Variants in BTC observed in about 807,000 individuals in gnomAD.
The protein encoded by BTC is betacellulin, also known as probetacellulin.
A neutral mutation model predicts 18.1 loss-of-function variants in BTC; 13 were observed. That is an observed-to-expected ratio of 0.72 (90% CI 0.47 to 1.14). The LOEUF is 1.14. BTC is among the 50% of genes most tolerant of loss of function. The probability of loss-of-function intolerance (pLI) is 0.00; values close to 1 mark genes in which losing one functional copy is unlikely to be tolerated. For synonymous variants in BTC, 83 were observed against 79.4 expected (o/e 1.05, Z -0.24); for missense variants, 247 against 224.2 (o/e 1.10, Z -0.65).
chr4:74,767,055 G>A (rs938884992), intron 2 of BTC, among the ~76,000 whole-genome samples: 7 of 151,860 alleles, frequency 4.6e-5, no homozygotes, highest in African/African-American at 1.7e-4. Flanking sequence ...GCAACATAGC[G>A]CAGGAAGTCC....
At chr4:74,776,887 C>T (rs1725189249) in intron 1 of BTC, among the ~76,000 whole-genome samples, 1 of 152,122 alleles carries the variant, frequency 6.6e-6, no homozygotes, top group African/African-American at 2.4e-5. Flanking sequence ...AGATACACTC[C>T]AAACTTCTAC....
chr4:74,791,521 G>A (rs957679799), intron 1 of BTC, among the ~76,000 whole-genome samples: 13 of 152,004 alleles, frequency 8.6e-5, no homozygotes, highest in African/African-American at 2.7e-4. Context: ...AAAGAATATC[G>A]ATAACACATA....
At chr4:74,777,588 C>T (rs1394914423) in intron 1 of BTC, among the ~76,000 whole-genome samples, 3 of 151,984 alleles carry the variant, frequency 2.0e-5, no homozygotes. Flanking sequence ...TATATTTTGG[C>T]CTCTCTGCAT....
At chr4:74,793,490 C>T (rs1028929343) in intron 1 of BTC, among the ~76,000 whole-genome samples, 6 of 152,182 alleles carry the variant, frequency 3.9e-5, no homozygotes, top group Non-Finnish European at 8.8e-5. Context: ...TACAGCCCAG[C>T]TAAGATTAGA....
chr4:74,759,621 A>G (rs1401805984), intron 2 of BTC, among the ~76,000 whole-genome samples: 1 of 151,730 alleles, frequency 6.6e-6, no homozygotes, highest in African/African-American at 2.4e-5. Flanking sequence ...AAGTATAAAT[A>G]AAGTATAAAT....
intron 1 of BTC, among the ~76,000 whole-genome samples, chr4:74,771,202 G>C (rs542798791): frequency 6.6e-6 from 1 of 152,216 alleles, no homozygotes; most frequent in East Asian, 1.9e-4. Flanking sequence ...AGTCAAGGAA[G>C]AGAAAGATGG....
chr4:74,766,269 T>TA (rs1302062265), intron 2 of BTC, among the ~76,000 whole-genome samples: 3 of 152,050 alleles, frequency 2.0e-5, no homozygotes, highest in Non-Finnish European at 4.4e-5. Flanking sequence ...ATTTGTATTA[T>TA]AAAAAAATTC....
At chr4:74,786,102 C>T (rs533298000) in intron 1 of BTC, among the ~76,000 whole-genome samples, 9 of 152,172 alleles carry the variant, frequency 5.9e-5, no homozygotes, top group Non-Finnish European at 1.0e-4. Flanking sequence ...TACCTGAATA[C>T]GTAGTAACAT....
chr4:74,748,284 C>T (rs1724346761), intron 4 of BTC, 135 bp from the exon 5 acceptor site: 1 of 511,258 alleles, frequency 2.0e-6, no homozygotes, highest in Non-Finnish European at 3.3e-6. Flanking sequence ...CGCAGTGGCT[C>T]ACGCCTGTAA....
intron 1 of BTC, among the ~76,000 whole-genome samples, chr4:74,781,575 A>G (rs1334999193): frequency 6.6e-6 from 1 of 151,884 alleles, no homozygotes; most frequent in Non-Finnish European, 1.5e-5. Context: ...TCCATCTAAA[A>G]TCCACCCCCA....
intron 1 of BTC, among the ~76,000 whole-genome samples, chr4:74,770,711 G>C (rs192428195): frequency 2.6e-5 from 4 of 152,180 alleles, no homozygotes; most frequent in African/African-American, 9.6e-5. Context: ...ATGCCATGCT[G>C]TGGTTAGAAT....
chr4:74,786,037 G>A (rs1325415017), intron 1 of BTC, among the ~76,000 whole-genome samples: 1 of 152,150 alleles, frequency 6.6e-6, no homozygotes, highest in Non-Finnish European at 1.5e-5. Flanking sequence ...CAATTATAAA[G>A]CTTCCCCAAA....
At chr4:74,758,721 T>C (rs1264517913) in intron 2 of BTC, among the ~76,000 whole-genome samples, 1 of 152,176 alleles carries the variant, frequency 6.6e-6, no homozygotes, top group Admixed American at 6.5e-5. Context: ...CCTTCGTTCA[T>C]CCAAGCAGCA....
chr4:74,758,035 T>C (rs1470014050), intron 2 of BTC, among the ~76,000 whole-genome samples: 1 of 152,238 alleles, frequency 6.6e-6, no homozygotes, highest in African/African-American at 2.4e-5. Context: ...GTATGAAGAA[T>C]GCTGACCTAA....
chr4:74,767,012 C>G (rs1302358459), intron 2 of BTC, among the ~76,000 whole-genome samples: 1 of 151,988 alleles, frequency 6.6e-6, no homozygotes, highest in African/African-American at 2.4e-5. Flanking sequence ...AGATCAGGAG[C>G]AAGACAAGAA....
At chr4:74,756,687 C>T (rs1724609632) in intron 2 of BTC, among the ~76,000 whole-genome samples, 1 of 152,188 alleles carries the variant, frequency 6.6e-6, no homozygotes, top group Non-Finnish European at 1.5e-5. Context: ...ACAAGTCACA[C>T]CTGCCTCCGT....
intron 1 of BTC, among the ~76,000 whole-genome samples, chr4:74,773,182 A>G (rs1725089804): frequency 1.3e-5 from 2 of 152,202 alleles, no homozygotes; most frequent in African/African-American, 4.8e-5. Flanking sequence ...TAATAATTGA[A>G]TCAAAGCAGT....
At chr4:74,781,781 CA>C (rs1725338879) in intron 1 of BTC, among the ~76,000 whole-genome samples, 2 of 151,880 alleles carry the variant, frequency 1.3e-5, no homozygotes, top group African/African-American at 4.8e-5. Flanking sequence ...AATACATCCA[CA>C]TTGTGCAACC....
At chr4:74,781,564 T>C (rs948441373) in intron 1 of BTC, among the ~76,000 whole-genome samples, 5 of 152,060 alleles carry the variant, frequency 3.3e-5, no homozygotes, top group African/African-American at 4.8e-5. Flanking sequence ...TTCCCAAATC[T>C]TCCATCTAAA....
Sources: gnomAD v4.1 joint callset for allele counts (sites outside exome capture counted in the v4.1 genomes callset) on GRCh38, gnomAD v4.1.1 for gene constraint, MANE v1.5 for transcripts, NCBI Gene and HGNC (gene_info 2026-07-23, HGNC 2026-07-21) for gene names.